The following EXOC5 variants were observed in gnomAD, a reference collection of about 807,000 sequenced individuals.
EXOC5 encodes the protein SEC10-like 1.
In EXOC5, 17 loss-of-function variants were observed where a neutral mutation model predicts 90.8. That is an observed-to-expected ratio of 0.19 (90% confidence interval 0.13 to 0.28). The LOEUF (loss-of-function observed/expected upper bound fraction) is 0.28, where lower values mean the gene tolerates loss of function less well. Among genes scored for constraint, EXOC5 ranks in the 10% least tolerant of loss-of-function variants. The pLI is 1.00. For missense variants in EXOC5, 569 were observed against 830.6 expected (o/e 0.69, Z 3.87); for synonymous variants, 260 against 270.0 (o/e 0.96, Z 0.36).
rs543564215 is a variant in EXOC5, at chr14:57,260,412, T to C, written c.27+8210A>G. Among the ~76,000 whole-genome samples, 13 of 152,264 alleles carry C rather than the reference T, an allele frequency of 8.5e-5. 1 individual carries two copies. In the South Asian group the frequency reaches 2.7e-3, roughly 32 times the overall value. On this transcript the variant is annotated intron_variant, in intron 1 of 17. Coordinates refer to ENST00000621441, the MANE Select transcript of EXOC5 (RefSeq NM_006544.4). The stretch of plus-strand genomic sequence containing the variant: ...TTTTAAAATTAGTCAATGTTAACAT[T>C]CAATCTTGAAGCCCTTTAAACTATG...
intron 4 of EXOC5, among the ~76,000 whole-genome samples, chr14:57,241,521 T>A (rs980141348): frequency 6.6e-6 from 1 of 152,216 alleles, no homozygotes; most frequent in Non-Finnish European, 1.5e-5. Context: ...GAAGTCATCA[T>A]CATCATTGTG....
At chr14:57,261,286 A>G (rs1271656631) in intron 1 of EXOC5, among the ~76,000 whole-genome samples, 1 of 152,216 alleles carries the variant, frequency 6.6e-6, no homozygotes, top group African/African-American at 2.4e-5. Context: ...ACATGTGGGC[A>G]CACACACACC....
At chr14:57,268,482 GCCACCCCAACCCTTCTGTTT>G (rs1884762946) in intron 1 of EXOC5, 120 bp downstream of exon 1, 1 of 1,480,438 alleles carries the variant, frequency 6.8e-7, no homozygotes, top group African/African-American at 1.5e-5. Flanking sequence ...ACACGGAGCT[GCCACCCCAACCCTTCTGTTT>G]CGCACCTCTC....
chr14:57,259,118 T>TC (rs1416981468), intron 1 of EXOC5, among the ~76,000 whole-genome samples: 1 of 152,130 alleles, frequency 6.6e-6, no homozygotes, highest in Non-Finnish European at 1.5e-5. Context: ...ACTTTTCTTT[T>TC]TTTTTTTTTG....
At chr14:57,246,641 G>T in intron 3 of EXOC5, 70 bp downstream of exon 3, 1 of 1,349,174 alleles carries the variant, frequency 7.4e-7, no homozygotes, top group Non-Finnish European at 1.0e-6. Flanking sequence ...TTTTTTAAGA[G>T]CTTAAAACTG....
chr14:57,243,700 T>C (rs1883945153), intron 4 of EXOC5: 1 of 153,524 alleles, frequency 6.5e-6, no homozygotes, highest in Admixed American at 6.5e-5. Flanking sequence ...TGGTCCAAAC[T>C]GCTTTAATTC....
At position 57,265,690 on chromosome 14, in the gene EXOC5, A is replaced by G. The variant is rs190898982; in HGVS notation, c.27+2932T>C. Among the ~76,000 whole-genome samples the G allele has an allele frequency of 4.6e-3, 698 of 152,288 alleles. 11 individuals are homozygous for G. The highest frequency in any genetic ancestry group is 0.016 in the African/African-American group (666 of 41,562). On this transcript the variant is annotated intron_variant, in intron 1 of 17. Coordinates refer to ENST00000621441, the MANE Select transcript of EXOC5 (RefSeq NM_006544.4). ...CAGCGAGCAGTGATTACCCAACTGCACTCCAGCCTATGCGATAGAGCAAGA... is the reference window on the plus strand; with the variant it reads ...CAGCGAGCAGTGATTACCCAACTGCGCTCCAGCCTATGCGATAGAGCAAGA...
intron 9 of EXOC5, among the ~76,000 whole-genome samples, chr14:57,233,482 T>C (rs2139637608): frequency 6.6e-6 from 1 of 152,196 alleles, no homozygotes; most frequent in South Asian, 2.1e-4. Flanking sequence ...AAGGCTATCT[T>C]ACCACAATAT....
At chr14:57,226,409 C>T (rs1883309506) in intron 12 of EXOC5, among the ~76,000 whole-genome samples, 2 of 152,096 alleles carry the variant, frequency 1.3e-5, no homozygotes, top group African/African-American at 4.8e-5. Context: ...CTTAAAAAGA[C>T]CATTTACATA....
intron 1 of EXOC5, among the ~76,000 whole-genome samples, chr14:57,260,521 G>A (rs1413216614): frequency 2.0e-5 from 3 of 152,036 alleles, no homozygotes; most frequent in African/African-American, 7.2e-5. Flanking sequence ...AAATATTTTA[G>A]ATTCTCTTAA....
intron 12 of EXOC5, among the ~76,000 whole-genome samples, chr14:57,229,349 CTAACTG>C (rs1190632189): frequency 2.0e-5 from 3 of 152,116 alleles, no homozygotes; most frequent in Non-Finnish European, 2.9e-5. Context: ...TCAGTTCTCT[CTAACTG>C]TAAGTTCTGT....
At chr14:57,226,677 A>G (rs573897785) in intron 12 of EXOC5, among the ~76,000 whole-genome samples, 48 of 152,316 alleles carry the variant, frequency 3.2e-4, no homozygotes, top group African/African-American at 1.1e-3. Context: ...CCAGAAACAG[A>G]CCCACATATA....
intron 1 of EXOC5, among the ~76,000 whole-genome samples, chr14:57,251,030 TA>T (rs575923792): frequency 2.0e-5 from 3 of 152,052 alleles, no homozygotes; most frequent in Non-Finnish European, 2.9e-5. Context: ...GATGGTGGAG[TA>T]AATCTGTCTC....
In EXOC5 at chr14:57,246,705, G is replaced by T. The variant is rs369876912; in HGVS notation, c.270+6C>A. The T allele has an allele frequency of 6.2e-7, 1 of 1,608,074 alleles. No homozygotes were observed. The highest frequency in any genetic ancestry group is 8.5e-7 in the Non-Finnish European group (1 of 1,177,810). On this transcript the variant is annotated splice_donor_region_variant and intron_variant, in intron 3 of 17. Coordinates refer to ENST00000621441, the MANE Select transcript of EXOC5 (RefSeq NM_006544.4). ...TAAAATACCCATTTCTTAACAAAACGTTTACCTGATTGCTTTTCTGCAGCT... is the reference window on the plus strand; with the variant it reads ...TAAAATACCCATTTCTTAACAAAACTTTTACCTGATTGCTTTTCTGCAGCT...
At chr14:57,210,136 G>A in intron 15 of EXOC5, 75 bp from the exon 16 acceptor site, 1 of 658,854 alleles carries the variant, frequency 1.5e-6, no homozygotes, top group Non-Finnish European at 2.6e-6. Flanking sequence ...TATTATTTAT[G>A]CTAAATTAAA....
intron 1 of EXOC5, among the ~76,000 whole-genome samples, chr14:57,261,660 G>T (rs1258731909): frequency 6.6e-6 from 1 of 152,144 alleles, no homozygotes; most frequent in Non-Finnish European, 1.5e-5. Context: ...ATTGGAGGAG[G>T]GCTCAGCAGG....
intron 1 of EXOC5, among the ~76,000 whole-genome samples, chr14:57,258,846 T>C (rs939146228): frequency 2.6e-5 from 4 of 152,172 alleles, no homozygotes; most frequent in Admixed American, 1.3e-4. Flanking sequence ...ATACAATGTG[T>C]TGGAACCACC....
intron 13 of EXOC5, among the ~76,000 whole-genome samples, chr14:57,220,411 G>T (rs1475464930): frequency 1.3e-5 from 2 of 152,058 alleles, no homozygotes; most frequent in Non-Finnish European, 1.5e-5. Context: ...CAGCTACAGT[G>T]TAAGTTTTTA....
intron 7 of EXOC5, among the ~76,000 whole-genome samples, chr14:57,235,285 T>C (rs1426273335): frequency 6.6e-6 from 1 of 152,130 alleles, no homozygotes; most frequent in Non-Finnish European, 1.5e-5. Context: ...AAAATTCTTT[T>C]GTATTACCTC....
Sources: allele counts gnomAD v4.1 joint callset (sites outside exome capture counted in the v4.1 genomes callset), GRCh38; gene constraint gnomAD v4.1.1; transcripts MANE v1.5; gene names NCBI Gene and HGNC (gene_info 2026-07-23, HGNC 2026-07-21).